Variants in CNTN5 observed in about 807,000 individuals in gnomAD.
The protein encoded by CNTN5 is contactin 5.
Under a neutral mutation model 129.1 loss-of-function variants are expected in CNTN5, and 77 were observed. That is an observed-to-expected ratio of 0.60 (90% CI 0.50 to 0.72). The LOEUF (loss-of-function observed/expected upper bound fraction) is 0.72. Among genes scored for constraint, CNTN5 ranks in the 30% least tolerant of loss-of-function variants. The pLI, the probability that CNTN5 is intolerant of heterozygous loss-of-function variation, is 0.00. For synonymous variants in CNTN5, 509 were observed against 465.6 expected (o/e 1.09, Z -1.20); for missense variants, 1,478 against 1,328.8 (o/e 1.11, Z -1.75).
chr11:99,539,042 CT>C (rs1158540908), intron 2 of CNTN5, among the ~76,000 whole-genome samples: 1 of 152,000 alleles, frequency 6.6e-6, no homozygotes, highest in Non-Finnish European at 1.5e-5. Flanking sequence ...GTCTCCATGA[CT>C]TTTCCAGCCA....
chr11:99,776,629 T>A (rs747956595), intron 3 of CNTN5, among the ~76,000 whole-genome samples: 4 of 151,456 alleles, frequency 2.6e-5, no homozygotes, highest in Non-Finnish European at 5.9e-5. Context: ...CTCAAAAACA[T>A]TGATCCTGTT....
Position 99,956,934 on chromosome 11 carries a change from A to C in CNTN5, c.802A>C (p.Ile268Leu). ...KVQTSDVGSY[I>L]CLVKNTVTNA... is the part of the protein sequence containing the mutation. ...CCAAACATCAGATGTTGGCAGCTAT[A>C]TTTGTCTGGTGAAAAACACAGTGAC... Residue 268 changes from isoleucine (I) to leucine (L), a missense_variant, in exon 8 of 25, where the codon ATT (isoleucine) becomes CTT (leucine). Physicochemically the swap from Ile to Leu is conservative, Grantham distance 5. Coordinates refer to ENST00000524871, the MANE Select transcript of CNTN5 (RefSeq NM_014361.4). 1 of 1,613,928 alleles carries C rather than the reference A, an allele frequency of 6.2e-7. No individual in the cohort carries two copies. The highest frequency in any genetic ancestry group is 8.5e-7 in the Non-Finnish European group (1 of 1,179,848).
At chr11:99,357,648 T>A (rs1469313027) in intron 2 of CNTN5, among the ~76,000 whole-genome samples, 1 of 152,058 alleles carries the variant, frequency 6.6e-6, no homozygotes, top group Non-Finnish European at 1.5e-5. Flanking sequence ...TCACAGTGAG[T>A]TTTGGCTCAC....
At chr11:99,949,910 TC>T (rs1472498683) in intron 7 of CNTN5, among the ~76,000 whole-genome samples, 3 of 152,200 alleles carry the variant, frequency 2.0e-5, no homozygotes, top group Admixed American at 2.0e-4. Flanking sequence ...CTTATGTTTT[TC>T]TAAAGGTGTT....
At chr11:100,090,329 G>T (rs1456500744) in intron 13 of CNTN5, among the ~76,000 whole-genome samples, 3 of 152,014 alleles carry the variant, frequency 2.0e-5, no homozygotes, top group African/African-American at 7.2e-5. Flanking sequence ...TCTTCAACCA[G>T]TTAGAATGGT....
intron 1 of CNTN5, among the ~76,000 whole-genome samples, chr11:99,096,456 C>A (rs1285872633): frequency 6.6e-6 from 1 of 151,654 alleles, no homozygotes; most frequent in Non-Finnish European, 1.5e-5. Flanking sequence ...TAATTGTTTC[C>A]TTTTAACTAG....
intron 1 of CNTN5, among the ~76,000 whole-genome samples, chr11:99,258,267 C>A (rs1453725161): frequency 1.3e-5 from 2 of 151,782 alleles, no homozygotes; most frequent in Admixed American, 1.3e-4. Context: ...AAGCCTAGTA[C>A]CCATTAGTTA....
chr11:99,030,970 T>A (rs576648985), intron 1 of CNTN5, among the ~76,000 whole-genome samples: 1 of 151,810 alleles, frequency 6.6e-6, no homozygotes, highest in Non-Finnish European at 1.5e-5. Context: ...TTTTTATTTT[T>A]GTATTTTTAG....
intron 6 of CNTN5, among the ~76,000 whole-genome samples, chr11:99,899,195 T>C (rs542299692): frequency 1.3e-5 from 2 of 152,172 alleles, no homozygotes; most frequent in African/African-American, 2.4e-5. Flanking sequence ...ACATCCTTTT[T>C]CCCAATTTGG....
At chr11:100,326,495 C>T (rs1951789390) in intron 21 of CNTN5, among the ~76,000 whole-genome samples, 1 of 152,138 alleles carries the variant, frequency 6.6e-6, no homozygotes, top group South Asian at 2.1e-4. Flanking sequence ...TTCATCCATA[C>T]ACATCCCTAT....
intron 1 of CNTN5, among the ~76,000 whole-genome samples, chr11:99,123,586 A>G (rs2135414040): frequency 6.7e-6 from 1 of 149,192 alleles, no homozygotes; most frequent in East Asian, 1.9e-4. Context: ...GTTGCTTTTG[A>G]CATCTTCATC....
At chr11:99,687,804 C>T (rs1953860854) in intron 3 of CNTN5, among the ~76,000 whole-genome samples, 1 of 152,266 alleles carries the variant, frequency 6.6e-6, no homozygotes, top group Middle Eastern at 3.4e-3. Flanking sequence ...CTTGATGTAG[C>T]ATATTGTATT....
intron 18 of CNTN5, among the ~76,000 whole-genome samples, chr11:100,289,622 A>T (rs1322010291): frequency 2.6e-5 from 4 of 152,040 alleles, no homozygotes; most frequent in African/African-American, 9.7e-5. Context: ...AAATAATAAG[A>T]GCTATCTATG....
intron 2 of CNTN5, among the ~76,000 whole-genome samples, chr11:99,402,798 A>T (rs1174851257): frequency 1.3e-5 from 2 of 152,028 alleles, no homozygotes; most frequent in Non-Finnish European, 2.9e-5. Context: ...TCAATTTGGT[A>T]GGTTGTATGT....
intron 2 of CNTN5, among the ~76,000 whole-genome samples, chr11:99,550,646 G>C (rs1312485371): frequency 6.6e-6 from 1 of 152,092 alleles, no homozygotes; most frequent in Non-Finnish European, 1.5e-5. Context: ...CTTATCACAT[G>C]CAAGTGGGAG....
chr11:99,554,836 C>G (rs529451275), intron 2 of CNTN5, among the ~76,000 whole-genome samples: 1 of 151,972 alleles, frequency 6.6e-6, no homozygotes, highest in East Asian at 1.9e-4. Context: ...GTATAAATAA[C>G]CAAGATGCTT....
intron 3 of CNTN5, among the ~76,000 whole-genome samples, chr11:99,675,265 G>A (rs1225396560): frequency 6.6e-6 from 1 of 152,096 alleles, no homozygotes; most frequent in Non-Finnish European, 1.5e-5. Flanking sequence ...TCGCCCATCA[G>A]TACTGGGTGA....
intron 13 of CNTN5, among the ~76,000 whole-genome samples, chr11:100,173,739 C>T (rs929952723): frequency 2.6e-5 from 4 of 152,226 alleles, no homozygotes. Flanking sequence ...AAGAGCGAGC[C>T]TTTGGAGGCC....
intron 3 of CNTN5, among the ~76,000 whole-genome samples, chr11:99,702,370 T>C (rs1954560096): frequency 1.3e-5 from 2 of 150,986 alleles, no homozygotes; most frequent in Admixed American, 1.3e-4. Context: ...TGTAGCTCAC[T>C]TTCCCATTTT....
Sources: gnomAD v4.1 joint callset for allele counts (sites outside exome capture counted in the v4.1 genomes callset) on GRCh38, gnomAD v4.1.1 for gene constraint, MANE v1.5 for transcripts, NCBI Gene and HGNC (gene_info 2026-07-23, HGNC 2026-07-21) for gene names.